The following RALYL variants were observed in gnomAD, a reference collection of about 807,000 sequenced individuals.
RALYL encodes the protein RNA-binding Raly-like protein.
A neutral mutation model predicts 35.1 loss-of-function variants in RALYL; 29 were observed. The observed-to-expected ratio is 0.83, with a 90% CI of 0.61 to 1.13. RALYL has a LOEUF of 1.13. Among genes scored for constraint, RALYL ranks in the 50% most tolerant of loss-of-function variants. RALYL has a pLI of 0.00. For missense variants in RALYL, 359 were observed against 360.4 expected, an observed-to-expected ratio of 1.00 and a Z score of 0.03; for synonymous variants, 120 against 127.6, an observed-to-expected ratio of 0.94 and a Z score of 0.40.
intron 1 of RALYL, among the ~76,000 whole-genome samples, chr8:84,218,261 A>G (rs1196030078): frequency 6.6e-6 from 1 of 152,064 alleles, no homozygotes; most frequent in African/African-American, 2.4e-5. Flanking sequence ...GTAACCTTAT[A>G]TAATTGCAGA....
intron 1 of RALYL, among the ~76,000 whole-genome samples, chr8:84,268,123 C>G (rs895101179): frequency 1.3e-5 from 2 of 152,182 alleles, no homozygotes; most frequent in African/African-American, 2.4e-5. Flanking sequence ...TTTGTGATGG[C>G]TGGGAGCTGT....
intron 2 of RALYL, among the ~76,000 whole-genome samples, chr8:84,653,948 A>G (rs970454107): frequency 6.6e-6 from 1 of 151,036 alleles, no homozygotes; most frequent in African/African-American, 2.4e-5. Flanking sequence ...TATTTATTTC[A>G]CTTATTCTCT....
intron 1 of RALYL, among the ~76,000 whole-genome samples, chr8:84,185,627 A>T (rs1202539747): frequency 6.6e-6 from 1 of 152,184 alleles, no homozygotes; most frequent in Non-Finnish European, 1.5e-5. Flanking sequence ...TTTGATTTTG[A>T]AGCTTTGATT....
chr8:84,919,686 A>C (rs533210996), intron 8 of RALYL, among the ~76,000 whole-genome samples: 7 of 152,272 alleles, frequency 4.6e-5, no homozygotes, highest in South Asian at 4.1e-4. Context: ...ATATATCAAA[A>C]TACAGTGTCA....
At chr8:84,796,131 A>G (rs1331551822) in intron 3 of RALYL, among the ~76,000 whole-genome samples, 1 of 152,134 alleles carries the variant, frequency 6.6e-6, no homozygotes, top group South Asian at 2.1e-4. Context: ...GCATGCTCAG[A>G]CTTCTTTGCG....
At chr8:84,481,211 C>T (rs568905520) in intron 1 of RALYL, among the ~76,000 whole-genome samples, 1 of 152,040 alleles carries the variant, frequency 6.6e-6, no homozygotes, top group South Asian at 2.1e-4. Context: ...TTCATTGTTC[C>T]ATTTTCACTA....
At chr8:84,370,984 C>G (rs539929638) in intron 1 of RALYL, among the ~76,000 whole-genome samples, 1 of 151,892 alleles carries the variant, frequency 6.6e-6, no homozygotes, top group Non-Finnish European at 1.5e-5. Context: ...GGTAAAAATC[C>G]TCAAAGAGTG....
chr8:84,521,824 C>A (rs1587951052), intron 1 of RALYL, among the ~76,000 whole-genome samples: 1 of 152,052 alleles, frequency 6.6e-6, no homozygotes, highest in Non-Finnish European at 1.5e-5. Flanking sequence ...GTAACATTAT[C>A]TACAATTATA....
At chr8:84,641,645 G>C (rs948780948) in intron 2 of RALYL, among the ~76,000 whole-genome samples, 3 of 151,740 alleles carry the variant, frequency 2.0e-5, no homozygotes, top group Admixed American at 1.3e-4. Flanking sequence ...ATTATTTAAA[G>C]TTATTTCCCT....
intron 1 of RALYL, among the ~76,000 whole-genome samples, chr8:84,229,911 A>C (rs986585552): frequency 3.9e-5 from 6 of 152,312 alleles, no homozygotes; most frequent in African/African-American, 1.4e-4. Flanking sequence ...ATAGGATAAG[A>C]AGATTGCTTG....
intron 1 of RALYL, among the ~76,000 whole-genome samples, chr8:84,269,814 AAATAT>A (rs1461364316): frequency 3.3e-5 from 5 of 152,142 alleles, no homozygotes; most frequent in Non-Finnish European, 7.3e-5. Context: ...AAAAAAATCC[AAATAT>A]ATTATTAGAA....
At position 84,565,006 on chromosome 8, in the gene RALYL, G is replaced by C. The variant is rs1377478289; in HGVS notation, c.256+35429G>C. The stretch of plus-strand genomic sequence containing the variant: ...ATTTATCAAAGCTGATATTCATTTT[G>C]TTAATGTGCTTTCATAATTTTCCTT... On this transcript the variant is annotated intron_variant, in intron 2 of 8. Transcript: ENST00000521268. 4.6e-5 allele frequency among the ~76,000 whole-genome samples: 7 copies of C among 151,634 alleles called. No individual in the cohort carries two copies. In the South Asian group the frequency reaches 1.5e-3, roughly 31 times the overall value.
At chr8:84,386,484 G>A (rs866790592) in intron 1 of RALYL, among the ~76,000 whole-genome samples, 4 of 151,764 alleles carry the variant, frequency 2.6e-5, no homozygotes, top group African/African-American at 9.7e-5. Context: ...GCTCATAATA[G>A]AAGACCCATG....
At chr8:84,219,836 T>G (rs1471942547) in intron 1 of RALYL, among the ~76,000 whole-genome samples, 1 of 151,842 alleles carries the variant, frequency 6.6e-6, no homozygotes, top group African/African-American at 2.4e-5. Flanking sequence ...TTTTCCCCTC[T>G]TAAAAGGTAA....
intron 4 of RALYL, among the ~76,000 whole-genome samples, chr8:84,846,005 T>C (rs1319095750): frequency 6.6e-6 from 1 of 152,222 alleles, no homozygotes; most frequent in Non-Finnish European, 1.5e-5. Flanking sequence ...ATTGTCTATT[T>C]TTGTACCAGG....
At chr8:84,295,092 G>C (rs1839507434) in intron 1 of RALYL, among the ~76,000 whole-genome samples, 1 of 152,084 alleles carries the variant, frequency 6.6e-6, no homozygotes, top group Non-Finnish European at 1.5e-5. Flanking sequence ...TTTCTTATCT[G>C]GGTAAGAGAG....
chr8:84,324,029 C>A (rs958655373), intron 1 of RALYL, among the ~76,000 whole-genome samples: 1 of 151,930 alleles, frequency 6.6e-6, no homozygotes, highest in African/African-American at 2.4e-5. Flanking sequence ...GTATGTGAAA[C>A]AATAGAACTG....
intron 2 of RALYL, among the ~76,000 whole-genome samples, chr8:84,734,275 T>A (rs1449371442): frequency 6.6e-6 from 1 of 152,116 alleles, no homozygotes; most frequent in Non-Finnish European, 1.5e-5. Context: ...GTTTTTAGAG[T>A]GGAAAAAATA....
chr8:84,685,011 G>A (rs1836452314), intron 2 of RALYL, among the ~76,000 whole-genome samples: 1 of 152,160 alleles, frequency 6.6e-6, no homozygotes, highest in East Asian at 1.9e-4. Context: ...CTTTGTGGGA[G>A]CAAAGAGAGA....
Sources: gnomAD v4.1 joint callset for allele counts (sites outside exome capture counted in the v4.1 genomes callset) on GRCh38, gnomAD v4.1.1 for gene constraint, MANE v1.5 for transcripts, NCBI Gene and HGNC (gene_info 2026-07-23, HGNC 2026-07-21) for gene names.